The following ARHGAP6 variants were observed in gnomAD, a reference collection of about 807,000 sequenced individuals.
ARHGAP6 encodes Rho GTPase activating protein 6.
Under a neutral mutation model 55.7 loss-of-function variants are expected in ARHGAP6, and 16 were observed. That is an observed-to-expected ratio of 0.29 (90% CI 0.19 to 0.44). The LOEUF is 0.44. Ranked by LOEUF, ARHGAP6 falls within the 20% of genes least tolerant of loss-of-function variation. The pLI, the probability that ARHGAP6 is intolerant of heterozygous loss-of-function variation, is 1.00. For missense variants in ARHGAP6, 698 were observed against 808.9 expected (o/e 0.86, Z 1.66); for synonymous variants, 382 against 360.9 (o/e 1.06, Z -0.66).
chrX:11,362,529 T>G (rs1183953301), intron 1 of ARHGAP6, among the ~76,000 whole-genome samples: 1 of 109,307 alleles, frequency 9.1e-6, no homozygotes, highest in Admixed American at 9.8e-5. Context: ...GGGGGAGGGT[T>G]AGCATTAGGA....
At chrX:11,313,366 C>T (rs1379177035) in intron 1 of ARHGAP6, among the ~76,000 whole-genome samples, 2 of 112,474 alleles carry the variant, frequency 1.8e-5, no homozygotes, top group Admixed American at 9.4e-5. Context: ...CTTCCTTAGC[C>T]TCACCTTTCA....
chrX:11,138,831 T>C lies in ARHGAP6; in HGVS notation c.*32A>G. Reference sequence around the variant, plus strand: ...CCCCCTGGGCTGGAGGGCGGGGGGCTCGGGGCAGGGGGGGCTCGGCTGGGT... The same window carrying C: ...CCCCCTGGGCTGGAGGGCGGGGGGCCCGGGGCAGGGGGGGCTCGGCTGGGT... On this transcript the variant is annotated 3_prime_UTR_variant, in exon 13 of 13. Coordinates refer to ENST00000337414, the MANE Select transcript of ARHGAP6 (RefSeq NM_013427.3). The C allele has an allele frequency of 8.6e-7, 1 of 1,156,324 alleles. No individual in the cohort carries two copies. Among genetic ancestry groups the C allele is most frequent in the African/African-American group, 1.8e-5 (1 of 56,380 alleles).
intron 1 of ARHGAP6, among the ~76,000 whole-genome samples, chrX:11,579,047 G>T (rs1308568990): frequency 9.5e-6 from 1 of 104,756 alleles, no homozygotes; most frequent in Non-Finnish European, 2.0e-5. Flanking sequence ...GGGGGATGGG[G>T]GGATGGGGGA....
At chrX:11,411,183 T>TTTTATATATATATATATATATA (rs1196355643) in intron 1 of ARHGAP6, among the ~76,000 whole-genome samples, 1 of 31,775 alleles carries the variant, frequency 3.1e-5, no homozygotes, top group African/African-American at 9.8e-5. Flanking sequence ...CAGACATTAT[T>TTTTATATATATATATATATATA]TATATATATA....
intron 1 of ARHGAP6, among the ~76,000 whole-genome samples, chrX:11,558,760 C>T (rs758293797): frequency 3.3e-5 from 3 of 91,422 alleles, no homozygotes; most frequent in East Asian, 3.9e-4. Flanking sequence ...CTCTTGAATC[C>T]GGGAGGCGGA....
intron 1 of ARHGAP6, among the ~76,000 whole-genome samples, chrX:11,542,908 G>A (rs1008171053): frequency 8.1e-5 from 9 of 111,097 alleles, no homozygotes; most frequent in African/African-American, 2.9e-4. Context: ...TAGGCCAGGA[G>A]AGCAAACCAA....
intron 1 of ARHGAP6, among the ~76,000 whole-genome samples, chrX:11,664,013 G>T (rs1419768794): frequency 1.8e-5 from 2 of 112,561 alleles, no homozygotes; most frequent in Admixed American, 9.3e-5. Flanking sequence ...CAGCTCCCAC[G>T]ACTGCTCCAA....
intron 1 of ARHGAP6, among the ~76,000 whole-genome samples, chrX:11,515,000 A>G (rs2050823743): frequency 9.0e-6 from 1 of 111,703 alleles, no homozygotes. Flanking sequence ...ACGGGATGAA[A>G]AATGGGTTCC....
intron 8 of ARHGAP6, among the ~76,000 whole-genome samples, chrX:11,176,263 A>ATATG (rs1204383315): frequency 1.5e-5 from 1 of 66,057 alleles, no homozygotes; most frequent in Admixed American, 2.1e-4. Context: ...ATATATATAT[A>ATATG]TTTGCATATA....
chrX:11,164,797 CA>C (rs1469540794), intron 9 of ARHGAP6, among the ~76,000 whole-genome samples: 1 of 112,429 alleles, frequency 8.9e-6, no homozygotes, highest in Non-Finnish European at 1.9e-5. Context: ...CGTTTAATAT[CA>C]GCCCTTAGAA....
At chrX:11,373,965 T>C (rs187535511) in intron 1 of ARHGAP6, among the ~76,000 whole-genome samples, 35 of 111,885 alleles carry the variant, frequency 3.1e-4, no homozygotes, top group African/African-American at 9.7e-4. Context: ...GTCTTATTAT[T>C]GAGACCAAGC....
chrX:11,459,594 T>G lies in ARHGAP6; in HGVS notation c.588+204647A>C, dbSNP rs1316039274. 2.7e-5 allele frequency among the ~76,000 whole-genome samples: 3 copies of G among 112,007 alleles called. No homozygotes were observed. In the East Asian group the frequency reaches 8.4e-4, roughly 31 times the overall value. ...TTTGTGGTGGTCGTTTCACAACAAT[T>G]ATCAAAATTCATCCATTTGTACACT... On this transcript the variant is annotated intron_variant, in intron 1 of 12. Transcript: ENST00000337414.
intron 1 of ARHGAP6, among the ~76,000 whole-genome samples, chrX:11,484,706 A>C (rs768975185): frequency 6.5e-4 from 73 of 112,254 alleles, no homozygotes; most frequent in African/African-American, 2.2e-3. Flanking sequence ...GTATCTGTTG[A>C]GCCCCACTCC....
chrX:11,518,289 T>A (rs367960086), intron 1 of ARHGAP6, among the ~76,000 whole-genome samples: 5 of 109,819 alleles, frequency 4.6e-5, no homozygotes, highest in African/African-American at 1.7e-4. Context: ...TACAGATGCA[T>A]ACCACCACAC....
At chrX:11,359,393 T>A (rs948770864) in intron 1 of ARHGAP6, among the ~76,000 whole-genome samples, 1 of 112,482 alleles carries the variant, frequency 8.9e-6, no homozygotes, top group East Asian at 2.7e-4. Flanking sequence ...GGACATTATG[T>A]TTAATAAACA....
intron 10 of ARHGAP6, among the ~76,000 whole-genome samples, chrX:11,152,605 T>G (rs753800408): frequency 4.9e-4 from 55 of 111,972 alleles, no homozygotes; most frequent in African/African-American, 1.7e-3. Context: ...CAAAGTTCAC[T>G]GCAAATCCTT....
chrX:11,626,729 A>T (rs1024596758), intron 1 of ARHGAP6, among the ~76,000 whole-genome samples: 7 of 111,994 alleles, frequency 6.3e-5, no homozygotes, highest in African/African-American at 2.3e-4. Flanking sequence ...AAGAACTCCC[A>T]ATTTTTAACT....
chrX:11,347,897 T>C (rs1171208781), intron 1 of ARHGAP6, among the ~76,000 whole-genome samples: 1 of 57 alleles, frequency 0.018, no homozygotes, highest in Non-Finnish European at 0.042. Context: ...CCCATAGCCC[T>C]AGGAACTATG....
chrX:11,138,779 G>T lies in ARHGAP6; in HGVS notation c.*84C>A. The T allele has an allele frequency of 1.0e-6, 1 of 980,274 alleles. No homozygotes were observed. Among genetic ancestry groups the T allele is most frequent in the Non-Finnish European group, 1.4e-6 (1 of 724,480 alleles). 80.8% of individuals were successfully genotyped at this position (980,274 alleles called of 1,213,427 possible). Reference sequence around the variant, plus strand: ...GAGAAGTGTGAAAGAAGAACACTAAGTGTGCCAGTGGCCACCACCCACGGT... The same window carrying T: ...GAGAAGTGTGAAAGAAGAACACTAATTGTGCCAGTGGCCACCACCCACGGT... On this transcript the variant is annotated 3_prime_UTR_variant, in exon 13 of 13. Transcript: ENST00000337414.
Sources: gnomAD v4.1 joint callset for allele counts (sites outside exome capture counted in the v4.1 genomes callset) on GRCh38, gnomAD v4.1.1 for gene constraint, MANE v1.5 for transcripts, NCBI Gene and HGNC (gene_info 2026-07-23, HGNC 2026-07-21) for gene names.